The following ZDHHC3 variants were observed in gnomAD, a reference collection of about 807,000 sequenced individuals.
ZDHHC3 encodes the protein zDHHC palmitoyltransferase 3, also known as palmitoyltransferase ZDHHC3.
In ZDHHC3, 9 loss-of-function variants were observed where a neutral mutation model predicts 30.6. The ratio of observed to expected loss-of-function variants is 0.29; its 90% confidence interval spans 0.18 to 0.51. The LOEUF is 0.51. Ranked by LOEUF, ZDHHC3 falls within the 20% of genes least tolerant of loss-of-function variation. The probability of loss-of-function intolerance (pLI) is 0.97; values close to 1 mark genes in which losing one functional copy is unlikely to be tolerated. For synonymous variants in ZDHHC3, 136 were observed against 140.2 expected (o/e 0.97, Z 0.21); for missense variants, 246 against 384.2 (o/e 0.64, Z 3.01).
At position 44,925,445 on chromosome 3, in the gene ZDHHC3, A is replaced by C; in HGVS notation, c.*1244T>G. ...TTTGTTATTTTTGCACTTGGAGGGC[A>C]CTCCCTACCTCCTTCACCTCTATCC... On this transcript the variant is annotated 3_prime_UTR_variant, in exon 7 of 7. Transcript: ENST00000424952. 2.0e-6 allele frequency: 2 copies of C among 985,484 alleles called. No individual in the cohort carries two copies. Among genetic ancestry groups the C allele is most frequent in the Non-Finnish European group, 2.4e-6 (2 of 829,936 alleles). 61.0% of individuals were successfully genotyped at this position (985,484 alleles called of 1,614,324 possible). A position where few individuals can be genotyped will look rare whatever the true frequency, so the allele number is the denominator to read the frequency against.
At position 44,926,731 on chromosome 3, in the gene ZDHHC3, C is replaced by A; in HGVS notation, c.858G>T (p.Thr286=). 1 of 1,613,168 alleles carries A rather than the reference C, an allele frequency of 6.2e-7. No homozygotes were observed. Among genetic ancestry groups the A allele is most frequent in the Non-Finnish European group, 8.5e-7 (1 of 1,179,796 alleles). Residue 286 remains threonine, a synonymous_variant, in exon 7 of 7, where the codon ACG becomes ACT. Transcript: ENST00000424952. ...ACGGGTCTGCCTTCCCTTGGTCTGG[C>A]GTGGCAAAGGGGCTGGCCCAGCCTA... is the stretch of plus-strand genomic sequence containing the variant. ...FSLGWASPFA[T]PDQGKADPYQ...
intron 1 of ZDHHC3, among the ~76,000 whole-genome samples, chr3:44,966,872 G>T (rs1200626062): frequency 5.3e-5 from 8 of 152,128 alleles, no homozygotes; most frequent in African/African-American, 1.9e-4. Flanking sequence ...TTTTCAAAAA[G>T]GTAAGGGTGT....
Position 44,920,619 on chromosome 3 carries a change from CT to C in ZDHHC3, c.*6069del. On this transcript the variant is annotated 3_prime_UTR_variant, in exon 7 of 7. Coordinates refer to ENST00000424952, the MANE Select transcript of ZDHHC3 (RefSeq NM_001135179.2). ...TCAGAACTGGAACCAGAACTAGTGTCTTTTTTTCTGCCCAACAGGTTTCCAG... is the reference window on the plus strand; with the variant it reads ...TCAGAACTGGAACCAGAACTAGTGTCTTTTTTCTGCCCAACAGGTTTCCAG... The C allele has an allele frequency of 3.0e-6, 3 of 985,374 alleles. No individual in the cohort carries two copies. The highest frequency in any genetic ancestry group is 2.4e-6 in the Non-Finnish European group (2 of 829,916). 61.0% of individuals were successfully genotyped at this position (985,374 alleles called of 1,614,324 possible). A position where few individuals can be genotyped will look rare whatever the true frequency, so the allele number is the denominator to read the frequency against.
chr3:44,921,049 T>A lies in ZDHHC3; in HGVS notation c.*5640A>T, dbSNP rs774948561. On this transcript the variant is annotated 3_prime_UTR_variant, in exon 7 of 7. Coordinates refer to ENST00000424952, the MANE Select transcript of ZDHHC3 (RefSeq NM_001135179.2). ...AGGAGCAGTAATAGTAGCTTCAGGC[T>A]CAAGAGAACGAACAAAAATGGTTGA... The A allele has an allele frequency of 4.1e-6, 4 of 985,410 alleles. No homozygotes were observed. The highest frequency in any genetic ancestry group is 4.8e-6 in the Non-Finnish European group (4 of 829,920). The allele number at this position is 985,410 out of a possible 1,614,324, so 61.0% of individuals were successfully genotyped here.
In ZDHHC3 at chr3:44,918,048, G is replaced by C; in HGVS notation, c.*8641C>G. Reference sequence around the variant, plus strand: ...ACGGTCTGGAGAAGGGGTTGAACCAGTTCAGGGAGAAGTCCCCACCAAAGG... The same window carrying C: ...ACGGTCTGGAGAAGGGGTTGAACCACTTCAGGGAGAAGTCCCCACCAAAGG... On this transcript the variant is annotated 3_prime_UTR_variant, in exon 7 of 7. Transcript: ENST00000424952. The C allele has an allele frequency of 7.7e-7, 1 of 1,305,448 alleles. No homozygotes were observed. Among genetic ancestry groups the C allele is most frequent in the Non-Finnish European group, 1.0e-6 (1 of 988,968 alleles). The allele number at this position is 1,305,448 out of a possible 1,614,324, so 80.9% of individuals were successfully genotyped here.
intron 1 of ZDHHC3, among the ~76,000 whole-genome samples, chr3:44,966,835 T>C (rs976614485): frequency 1.3e-5 from 2 of 152,204 alleles, no homozygotes; most frequent in Non-Finnish European, 2.9e-5. Flanking sequence ...AAATATTTCA[T>C]TAAAAAATAG....
chr3:44,963,712 C>T (rs903026163), intron 1 of ZDHHC3, among the ~76,000 whole-genome samples: 1 of 152,208 alleles, frequency 6.6e-6, no homozygotes, highest in African/African-American at 2.4e-5. Flanking sequence ...ACTGGTTACT[C>T]AGGCTTCTGG....
intron 3 of ZDHHC3, among the ~76,000 whole-genome samples, chr3:44,939,621 G>C (rs1702268221): frequency 6.6e-6 from 1 of 152,258 alleles, no homozygotes; most frequent in Non-Finnish European, 1.5e-5. Flanking sequence ...TCTTGAGACA[G>C]TGTTGGCTCA....
chr3:44,951,254 AG>A (rs1284628073), intron 2 of ZDHHC3, among the ~76,000 whole-genome samples: 1 of 152,236 alleles, frequency 6.6e-6, no homozygotes, highest in Non-Finnish European at 1.5e-5. Context: ...ATAAGTGTGT[AG>A]AAGCTGTTAA....
intron 6 of ZDHHC3, among the ~76,000 whole-genome samples, chr3:44,927,321 T>C (rs1012153665): frequency 5.3e-5 from 8 of 152,168 alleles, no homozygotes; most frequent in Non-Finnish European, 1.0e-4. Flanking sequence ...CCTAGGAAGT[T>C]TGAAGCTACC....
chr3:44,925,765 G>A lies in ZDHHC3; in HGVS notation c.*924C>T. 1 of 985,844 alleles carries A rather than the reference G, an allele frequency of 1.0e-6. No individual in the cohort carries two copies. Among genetic ancestry groups the A allele is most frequent in the Non-Finnish European group, 1.2e-6 (1 of 829,948 alleles). 61.1% of individuals were successfully genotyped at this position (985,844 alleles called of 1,614,324 possible). A position where few individuals can be genotyped will look rare whatever the true frequency, so the allele number is the denominator to read the frequency against. On this transcript the variant is annotated 3_prime_UTR_variant, in exon 7 of 7. Coordinates refer to ENST00000424952, the MANE Select transcript of ZDHHC3 (RefSeq NM_001135179.2). ...TTTGAGGTTTATAAAATGAGAAGGG[G>A]ATGATGGTGGGGCTGTATGTGTTGG...
At chr3:44,957,243 G>A (rs957200332) in intron 2 of ZDHHC3, among the ~76,000 whole-genome samples, 2 of 152,120 alleles carry the variant, frequency 1.3e-5, no homozygotes, top group Non-Finnish European at 2.9e-5. Context: ...AAAATACCCT[G>A]TTCAATCATG....
In ZDHHC3 at chr3:44,932,937, T is replaced by G. The variant is rs558215217; in HGVS notation, c.610+181A>C. ...GAACTGAAGTTAAGGGGCTGCATTT[T>G]TTCATGAAGAGAGATTCCAGTCTCT... On this transcript the variant is annotated intron_variant, in intron 5 of 6. Transcript: ENST00000424952. The G allele has an allele frequency of 1.4e-4, 229 of 1,614,072 alleles. 1 individual carries two copies. In the Admixed American group the frequency reaches 3.8e-3, roughly 27 times the overall value.
chr3:44,946,409 A>G (rs914966923), intron 2 of ZDHHC3, among the ~76,000 whole-genome samples: 4 of 152,186 alleles, frequency 2.6e-5, no homozygotes, highest in African/African-American at 9.7e-5. Flanking sequence ...TTAATAACCA[A>G]CCTTCACCAA....
Position 44,917,804 on chromosome 3 carries a change from G to T in ZDHHC3, c.*8885C>A. The T allele has an allele frequency of 8.1e-7, 1 of 1,229,008 alleles. No individual in the cohort carries two copies. The highest frequency in any genetic ancestry group is 1.1e-6 in the Non-Finnish European group (1 of 949,262). The allele number at this position is 1,229,008 out of a possible 1,614,324, so 76.1% of individuals were successfully genotyped here. A position where few individuals can be genotyped will look rare whatever the true frequency, so the allele number is the denominator to read the frequency against. ...AAGGGAAGCACTGGGGGTGCTGGGAGCGCACCATGCCCATAAGCCCCTTTA... is the reference window on the plus strand; with the variant it reads ...AAGGGAAGCACTGGGGGTGCTGGGATCGCACCATGCCCATAAGCCCCTTTA... On this transcript the variant is annotated 3_prime_UTR_variant, in exon 7 of 7. Coordinates refer to ENST00000424952, the MANE Select transcript of ZDHHC3 (RefSeq NM_001135179.2).
At position 44,924,845 on chromosome 3, in the gene ZDHHC3, T is replaced by C. The variant is rs1350103720; in HGVS notation, c.*1844A>G. On this transcript the variant is annotated 3_prime_UTR_variant, in exon 7 of 7. Coordinates refer to ENST00000424952, the MANE Select transcript of ZDHHC3 (RefSeq NM_001135179.2). ...ATCTAAAACAGCATTCTTTTCTTTT[T>C]AATCTTAGCATCTCAGCCTCGCCCG... 3.0e-6 allele frequency: 3 copies of C among 985,454 alleles called. No individual in the cohort carries two copies. The highest frequency in any genetic ancestry group is 3.6e-6 in the Non-Finnish European group (3 of 829,952). The allele number at this position is 985,454 out of a possible 1,614,324, so 61.0% of individuals were successfully genotyped here.
intron 2 of ZDHHC3, among the ~76,000 whole-genome samples, chr3:44,946,379 GCA>G: frequency 6.6e-6 from 1 of 152,330 alleles, no homozygotes; most frequent in South Asian, 2.1e-4. Flanking sequence ...AACAGGCAGT[GCA>G]CAGGCCTAAG....
Position 44,920,781 on chromosome 3 carries a change from C to G in ZDHHC3, c.*5908G>C. On this transcript the variant is annotated 3_prime_UTR_variant, in exon 7 of 7. Transcript: ENST00000424952. Reference sequence around the variant, plus strand: ...TAGGCACTCTTGGATTATACTCAACCTCCTCACCAACCTCATAAAGTATTC... The same window carrying G: ...TAGGCACTCTTGGATTATACTCAACGTCCTCACCAACCTCATAAAGTATTC... 2.0e-6 allele frequency: 2 copies of G among 985,422 alleles called. No individual in the cohort carries two copies. The highest frequency in any genetic ancestry group is 5.2e-4 in the Middle Eastern group (1 of 1,914). 61.0% of individuals were successfully genotyped at this position (985,422 alleles called of 1,614,324 possible).
intron 3 of ZDHHC3, among the ~76,000 whole-genome samples, chr3:44,939,620 A>G (rs544859318): frequency 6.6e-6 from 1 of 152,266 alleles, no homozygotes; most frequent in Non-Finnish European, 1.5e-5. Context: ...CTCTTGAGAC[A>G]GTGTTGGCTC....
Sources: allele counts gnomAD v4.1 joint callset (sites outside exome capture counted in the v4.1 genomes callset), GRCh38; gene constraint gnomAD v4.1.1; transcripts MANE v1.5; gene names NCBI Gene and HGNC (gene_info 2026-07-23, HGNC 2026-07-21).